Variants in KCNJ3 observed in about 807,000 individuals in gnomAD.
KCNJ3 encodes the protein potassium inwardly rectifying channel subfamily J member 3, also known as G protein-activated inward rectifier potassium channel 1.
Under a neutral mutation model 39.2 loss-of-function variants are expected in KCNJ3, and 4 were observed. The observed-to-expected ratio is 0.10, with a 90% confidence interval of 0.05 to 0.23. The LOEUF (loss-of-function observed/expected upper bound fraction) is 0.23. KCNJ3 is among the 10% of genes least tolerant of loss of function. KCNJ3 has a pLI of 1.00. For missense variants in KCNJ3, 276 were observed against 634.9 expected (o/e 0.43, Z 6.08); for synonymous variants, 230 against 237.4 (o/e 0.97, Z 0.29).
intron 2 of KCNJ3, among the ~76,000 whole-genome samples, chr2:154,755,760 A>G (rs1468201507): frequency 2.0e-5 from 3 of 152,040 alleles, no homozygotes; most frequent in Admixed American, 2.0e-4. Context: ...ATGAAGTTAT[A>G]CAAAAGGAAT....
At chr2:154,734,769 G>C (rs1324910825) in intron 2 of KCNJ3, among the ~76,000 whole-genome samples, 1 of 152,086 alleles carries the variant, frequency 6.6e-6, no homozygotes, top group East Asian at 1.9e-4. Context: ...AAAACATTGA[G>C]AGTGAGGTTT....
chr2:154,828,403 T>C (rs912971287), intron 2 of KCNJ3, among the ~76,000 whole-genome samples: 1 of 152,108 alleles, frequency 6.6e-6, no homozygotes. Context: ...GAAGTTCCCA[T>C]GTTCTGGGAG....
rs183101499 is a variant in KCNJ3, at chr2:154,744,035, T to C, written c.919+34216T>C. On this transcript the variant is annotated intron_variant, in intron 2 of 2. Coordinates refer to ENST00000295101, the MANE Select transcript of KCNJ3 (RefSeq NM_002239.4). ...AGTATTCCTATTTTCTATATGTTTT[T>C]ATTATGAATGGATATTGAATTCTGT... Among the ~76,000 whole-genome samples, 88 of 151,808 alleles carry C rather than the reference T, an allele frequency of 5.8e-4. 1 individual carries two copies. In the East Asian group the frequency reaches 0.016, roughly 28 times the overall value.
At chr2:154,736,114 T>C (rs754487866) in intron 2 of KCNJ3, among the ~76,000 whole-genome samples, 2 of 152,086 alleles carry the variant, frequency 1.3e-5, no homozygotes, top group Non-Finnish European at 2.9e-5. Flanking sequence ...TTAATTATTC[T>C]TGGAGTTTCT....
rs931825799 is a variant in KCNJ3, at chr2:154,797,290, A to G, written c.920-57437A>G. 6.6e-5 allele frequency among the ~76,000 whole-genome samples: 10 copies of G among 152,334 alleles called. No homozygotes were observed. In the East Asian group the frequency reaches 1.9e-3, roughly 29 times the overall value. On this transcript the variant is annotated intron_variant, in intron 2 of 2. Transcript: ENST00000295101. ...GTGGTTGTGTTTCACAAAAGTTGAT[A>G]TGAACCTTAAATTAGATAATAGATT...
chr2:154,725,746 TA>T (rs937395029), intron 2 of KCNJ3, among the ~76,000 whole-genome samples: 10 of 152,092 alleles, frequency 6.6e-5, no homozygotes, highest in African/African-American at 2.4e-4. Flanking sequence ...GGTATTGGTA[TA>T]AAAATAGGCA....
intron 2 of KCNJ3, among the ~76,000 whole-genome samples, chr2:154,715,312 C>G (rs1302999721): frequency 6.6e-6 from 1 of 152,196 alleles, no homozygotes; most frequent in Non-Finnish European, 1.5e-5. Context: ...CCCCTAATGA[C>G]TGCTCCATCA....
chr2:154,731,774 C>A (rs1254242942), intron 2 of KCNJ3, among the ~76,000 whole-genome samples: 2 of 151,474 alleles, frequency 1.3e-5, no homozygotes, highest in Admixed American at 1.3e-4. Context: ...CAATCTGATT[C>A]ACTTTTTTTT....
intron 2 of KCNJ3, among the ~76,000 whole-genome samples, chr2:154,835,930 A>G (rs981085814): frequency 3.9e-5 from 6 of 152,146 alleles, no homozygotes; most frequent in African/African-American, 1.2e-4. Flanking sequence ...ATGCTTATAG[A>G]CAGATTATCT....
At chr2:154,767,961 G>T (rs1284521943) in intron 2 of KCNJ3, among the ~76,000 whole-genome samples, 6 of 152,146 alleles carry the variant, frequency 3.9e-5, no homozygotes, top group African/African-American at 1.2e-4. Flanking sequence ...TTTTTCATGT[G>T]TCTGTTGGCT....
chr2:154,706,730 T>C (rs1319552945), intron 1 of KCNJ3, among the ~76,000 whole-genome samples: 1 of 152,106 alleles, frequency 6.6e-6, no homozygotes, highest in Non-Finnish European at 1.5e-5. Flanking sequence ...AAGTAGAATG[T>C]ATGTGCTTCT....
intron 2 of KCNJ3, among the ~76,000 whole-genome samples, chr2:154,730,466 A>G (rs1685431263): frequency 6.6e-6 from 1 of 152,182 alleles, no homozygotes; most frequent in African/African-American, 2.4e-5. Context: ...ATAATTTAAA[A>G]GTCCAAATAA....
chr2:154,702,454 G>A (rs1684920614), intron 1 of KCNJ3, among the ~76,000 whole-genome samples: 1 of 151,800 alleles, frequency 6.6e-6, no homozygotes, highest in South Asian at 2.1e-4. Flanking sequence ...CATGGGCATG[G>A]CTTTCTAATG....
intron 2 of KCNJ3, among the ~76,000 whole-genome samples, chr2:154,837,604 C>T (rs1687493095): frequency 6.6e-6 from 1 of 152,204 alleles, no homozygotes; most frequent in Non-Finnish European, 1.5e-5. Flanking sequence ...CCCATTCTTC[C>T]TCTTTCTCCA....
chr2:154,831,533 G>T (rs1057309033), intron 2 of KCNJ3, among the ~76,000 whole-genome samples: 3 of 152,142 alleles, frequency 2.0e-5, no homozygotes, highest in African/African-American at 7.2e-5. Context: ...AGCATGGGGT[G>T]GGGGAGATGA....
intron 2 of KCNJ3, among the ~76,000 whole-genome samples, chr2:154,797,221 T>C (rs1431347656): frequency 6.6e-6 from 1 of 152,220 alleles, no homozygotes; most frequent in Admixed American, 6.5e-5. Context: ...CTGTGGAGCA[T>C]CTTTTGACTT....
intron 2 of KCNJ3, among the ~76,000 whole-genome samples, chr2:154,751,189 C>T (rs1685839625): frequency 6.6e-6 from 1 of 151,814 alleles, no homozygotes; most frequent in Non-Finnish European, 1.5e-5. Flanking sequence ...ATTTATTTTA[C>T]TGATATTTTT....
intron 2 of KCNJ3, among the ~76,000 whole-genome samples, chr2:154,772,404 C>G (rs965664363): frequency 6.6e-6 from 1 of 151,956 alleles, no homozygotes; most frequent in Admixed American, 6.6e-5. Context: ...TTTTTTATCT[C>G]AGTTCTTTTT....
At chr2:154,711,880 C>T (rs1685107931) in intron 2 of KCNJ3, among the ~76,000 whole-genome samples, 1 of 151,990 alleles carries the variant, frequency 6.6e-6, no homozygotes, top group Non-Finnish European at 1.5e-5. Flanking sequence ...CCATTTTCCC[C>T]CTCCTGCCTA....
Sources: allele counts gnomAD v4.1 joint callset (sites outside exome capture counted in the v4.1 genomes callset), GRCh38; gene constraint gnomAD v4.1.1; transcripts MANE v1.5; gene names NCBI Gene and HGNC (gene_info 2026-07-23, HGNC 2026-07-21).